DZIP3: variants seen among roughly 807,000 people sequenced by gnomAD.
DZIP3 encodes the protein DAZ interacting zinc finger protein 3, also known as E3 ubiquitin-protein ligase DZIP3.
Under a neutral mutation model 162.0 loss-of-function variants are expected in DZIP3, and 118 were observed. The ratio of observed to expected loss-of-function variants is 0.73; its 90% CI spans 0.63 to 0.85. The LOEUF is 0.85. Ranked by LOEUF, DZIP3 falls within the 40% of genes least tolerant of loss-of-function variation. The pLI is 0.00. For synonymous variants in DZIP3, 438 were observed against 458.6 expected (o/e 0.96, Z 0.57); for missense variants, 1,331 against 1,407.0 (o/e 0.95, Z 0.86).
Position 108,644,219 on chromosome 3 carries a change from AATT to A in DZIP3, c.1204_1206del (p.Ile402del), listed in dbSNP as rs1241059554. ...ATTATTTCTATCATCTGCTTCATATAATTATTATTTCTGGTACTGACATTGTTC... is the reference window on the plus strand; with the variant it reads ...ATTATTTCTATCATCTGCTTCATATAATTATTTCTGGTACTGACATTGTTC... On this transcript the variant is annotated inframe_deletion, in exon 14 of 33. Transcript: ENST00000361582. 3.1e-6 allele frequency: 5 copies of A among 1,611,616 alleles called. No homozygotes were observed. The African/African-American group carries it at 4.0e-5, about 13-fold the overall frequency.
At chr3:108,638,369 G>A (rs1213163362) in intron 12 of DZIP3, among the ~76,000 whole-genome samples, 1 of 152,128 alleles carries the variant, frequency 6.6e-6, no homozygotes, top group Non-Finnish European at 1.5e-5. Flanking sequence ...AGGCTGGAGT[G>A]CAGTGGCACA....
Position 108,694,569 on chromosome 3 carries a change from T to A in DZIP3, c.*1216T>A, listed in dbSNP as rs1284652362. ...GCTTGTGCAGGGAAACTCCCATTTTTAAAACCATCAGATCTCATGAGGCTT... is the reference window on the plus strand; with the variant it reads ...GCTTGTGCAGGGAAACTCCCATTTTAAAAACCATCAGATCTCATGAGGCTT... On this transcript the variant is annotated 3_prime_UTR_variant, in exon 33 of 33. Transcript: ENST00000361582. The A allele has an allele frequency of 6.4e-6, 1 of 156,122 alleles. No individual in the cohort carries two copies. The highest frequency in any genetic ancestry group is 1.4e-5 in the Non-Finnish European group (1 of 71,346). 9.7% of individuals were successfully genotyped at this position (156,122 alleles called of 1,614,324 possible).
intron 8 of DZIP3, among the ~76,000 whole-genome samples, chr3:108,632,728 T>C (rs561084163): frequency 6.6e-6 from 1 of 152,310 alleles, no homozygotes; most frequent in African/African-American, 2.4e-5. Context: ...CATGTTTATA[T>C]CATTCATTAA....
chr3:108,627,829 C>T (rs1941654017), intron 7 of DZIP3, among the ~76,000 whole-genome samples: 1 of 151,776 alleles, frequency 6.6e-6, no homozygotes, highest in Non-Finnish European at 1.5e-5. Context: ...TGTTTTCTCA[C>T]TTGGGCTCTC....
chr3:108,618,160 G>T (rs1941116659), intron 5 of DZIP3, among the ~76,000 whole-genome samples: 2 of 152,164 alleles, frequency 1.3e-5, no homozygotes, highest in South Asian at 4.1e-4. Context: ...CTTTGCTGAT[G>T]GGGAGAAGGT....
chr3:108,641,290 A>G (rs1251625199), intron 12 of DZIP3, among the ~76,000 whole-genome samples: 1 of 152,056 alleles, frequency 6.6e-6, no homozygotes, highest in Non-Finnish European at 1.5e-5. Context: ...AGTGTAGTTT[A>G]ATTTTTTCTG....
At chr3:108,658,987 A>T (rs1576431885) in intron 19 of DZIP3, among the ~76,000 whole-genome samples, 1 of 152,326 alleles carries the variant, frequency 6.6e-6, no homozygotes, top group African/African-American at 2.4e-5. Flanking sequence ...TCTGAAATTG[A>T]GGCAATAATT....
chr3:108,655,127 C>A (rs1317605863), intron 19 of DZIP3, among the ~76,000 whole-genome samples: 4 of 152,098 alleles, frequency 2.6e-5, no homozygotes, highest in Non-Finnish European at 5.9e-5. Flanking sequence ...CATTCTATAG[C>A]CATGAGACTA....
At chr3:108,686,618 T>A in intron 28 of DZIP3, 34 bp downstream of exon 28, 3 of 1,489,562 alleles carry the variant, frequency 2.0e-6, no homozygotes, top group Non-Finnish European at 2.7e-6. Flanking sequence ...TGGGTACAGA[T>A]CATATTCTCC....
chr3:108,658,939 A>G (rs1316905212), intron 19 of DZIP3, among the ~76,000 whole-genome samples: 1 of 152,242 alleles, frequency 6.6e-6, no homozygotes, highest in Non-Finnish European at 1.5e-5. Context: ...AGACTAAACC[A>G]GGAAGAAGTT....
At chr3:108,631,053 A>ACTCTCTCTCT (rs1559741298) in intron 8 of DZIP3, among the ~76,000 whole-genome samples, 35 of 32,286 alleles carry the variant, frequency 1.1e-3, no homozygotes, top group Non-Finnish European at 1.2e-3. Flanking sequence ...ACACACACAC[A>ACTCTCTCTCT]CACTCTCTCT....
At chr3:108,658,163 C>T (rs1158496003) in intron 19 of DZIP3, among the ~76,000 whole-genome samples, 1 of 152,168 alleles carries the variant, frequency 6.6e-6, no homozygotes, top group African/African-American at 2.4e-5. Flanking sequence ...ACAGAACTCT[C>T]CACCCCAAAT....
intron 17 of DZIP3, among the ~76,000 whole-genome samples, chr3:108,649,828 CATT>C (rs1407724956): frequency 6.6e-6 from 1 of 151,660 alleles, no homozygotes; most frequent in African/African-American, 2.4e-5. Flanking sequence ...ATATCACTAT[CATT>C]GTTATATTTA....
intron 8 of DZIP3, among the ~76,000 whole-genome samples, chr3:108,631,859 G>T (rs1941906438): frequency 6.7e-6 from 1 of 149,758 alleles, no homozygotes; most frequent in South Asian, 2.1e-4. Flanking sequence ...TTTGCTTCTG[G>T]GACATTTTCT....
chr3:108,642,349 TACTC>T (rs1942435555), intron 12 of DZIP3, 85 bp from the exon 13 acceptor site: 5 of 1,301,220 alleles, frequency 3.8e-6, no homozygotes, highest in South Asian at 1.4e-5. Flanking sequence ...AAGATGAAAA[TACTC>T]ACTTAGCCAT....
chr3:108,678,881 G>A (rs1489172512), intron 26 of DZIP3, among the ~76,000 whole-genome samples: 1 of 152,158 alleles, frequency 6.6e-6, no homozygotes, highest in East Asian at 1.9e-4. Flanking sequence ...TTTGTATGGA[G>A]TTACACTGTT....
chr3:108,663,570 A>AAAGAAAC (rs1943541425), intron 21 of DZIP3, among the ~76,000 whole-genome samples: 1 of 151,862 alleles, frequency 6.6e-6, no homozygotes, highest in Non-Finnish European at 1.5e-5. Context: ...AAAAAAAAAA[A>AAAGAAAC]AAGAAACTGT....
chr3:108,625,864 A>G lies in DZIP3; in HGVS notation c.476A>G (p.Asn159Ser), dbSNP rs780480096. The change falls in exon 7 of 33, where the codon AAT (asparagine) becomes AGT (serine). Residue 159 changes from asparagine to serine, a missense_variant. Physicochemically the swap from Asn to Ser is conservative, Grantham distance 46. Around this residue, in one of 2 missense-constraint regions of DZIP3, gnomAD observed 1,278 missense variants for 1,317.1 expected, o/e 0.97. Coordinates refer to ENST00000361582, the MANE Select transcript of DZIP3 (RefSeq NM_014648.4). ...GKKEDYTEAE[N>S]KFLVMKMMIQ... The stretch of plus-strand genomic sequence containing the variant: ...CTACAGGATTATACAGAAGCTGAGA[A>G]TAAATTTCTGGTGATGAAGATGATG... 1.2e-6 allele frequency: 2 copies of G among 1,612,780 alleles called. No individual in the cohort carries two copies. Among genetic ancestry groups the G allele is most frequent in the Non-Finnish European group, 1.7e-6 (2 of 1,179,420 alleles).
At chr3:108,606,293 A>G (rs1245531801) in intron 2 of DZIP3, among the ~76,000 whole-genome samples, 3 of 152,178 alleles carry the variant, frequency 2.0e-5, no homozygotes, top group Non-Finnish European at 4.4e-5. Flanking sequence ...TCTACCTCAT[A>G]TAATACTAAA....
Sources: gnomAD v4.1 joint callset for allele counts (sites outside exome capture counted in the v4.1 genomes callset) on GRCh38, gnomAD v4.1.1 for gene constraint, gnomAD v4.1.1 regional missense constraint, MANE v1.5 for transcripts, NCBI Gene and HGNC (gene_info 2026-07-23, HGNC 2026-07-21) for gene names.